Variants in GRM1 observed in about 807,000 individuals in gnomAD.
GRM1 encodes the protein metabotropic glutamate receptor 1.
In GRM1, 33 loss-of-function variants were observed where a neutral mutation model predicts 90.9. The ratio of observed to expected loss-of-function variants is 0.36; its 90% CI spans 0.28 to 0.49. The LOEUF is 0.49. Ranked by LOEUF, GRM1 falls within the 20% of genes least tolerant of loss-of-function variation. The pLI is 0.99. For synonymous variants in GRM1, 700 were observed against 613.2 expected, an observed-to-expected ratio of 1.14 and a Z score of -2.09; for missense variants, 1,190 against 1,534.3, an observed-to-expected ratio of 0.78 and a Z score of 3.75.
intron 2 of GRM1, among the ~76,000 whole-genome samples, chr6:146,294,648 G>A (rs1428267593): frequency 6.6e-6 from 1 of 152,106 alleles, no homozygotes. Context: ...ATTAATAACA[G>A]AGTAGTAAGT....
rs115477895 is a variant in GRM1 at position 146,366,605 on chromosome 6, C to T, written c.1602+8911C>T. Among the ~76,000 whole-genome samples, 533 of 152,254 alleles carry T rather than the reference C, an allele frequency of 3.5e-3. 5 individuals carry two copies. The highest frequency in any genetic ancestry group is 0.012 in the African/African-American group (508 of 41,556). The stretch of plus-strand genomic sequence containing the variant: ...GTAAGAACATGCAACATATTTCTTT[C>T]TGTGCTTTGCTTATTTAACATGATT... On this transcript the variant is annotated intron_variant, in intron 5 of 7. Transcript: ENST00000282753.
intron 1 of GRM1, among the ~76,000 whole-genome samples, chr6:146,047,460 G>A (rs985494047): frequency 1.3e-5 from 2 of 151,626 alleles, no homozygotes; most frequent in East Asian, 1.9e-4. Flanking sequence ...GCAATGTTTT[G>A]CAGCTAGAGT....
chr6:146,322,792 C>A lies in GRM1; in HGVS notation c.1186+17946C>A, dbSNP rs146908992. On this transcript the variant is annotated intron_variant, in intron 3 of 7. Coordinates refer to ENST00000282753, the MANE Select transcript of GRM1 (RefSeq NM_001278064.2). The stretch of plus-strand genomic sequence containing the variant: ...CAGCAGTCCCCAGTGTGGGATGTTC[C>A]CCTTCCTGTGTCCATGTGTTCTCAT... 4.8e-3 allele frequency among the ~76,000 whole-genome samples: 732 copies of A among 151,976 alleles called. 7 individuals are homozygous for A. Among genetic ancestry groups the A allele is most frequent in the African/African-American group, 0.017 (684 of 41,384 alleles).
intron 3 of GRM1, among the ~76,000 whole-genome samples, chr6:146,318,528 A>G (rs1451736529): frequency 1.3e-5 from 2 of 152,222 alleles, no homozygotes; most frequent in Non-Finnish European, 2.9e-5. Context: ...CAGTAATGGG[A>G]TTGCTGGGTC....
chr6:146,183,156 T>A (rs117335908), intron 2 of GRM1, among the ~76,000 whole-genome samples: 82 of 152,252 alleles, frequency 5.4e-4, no homozygotes, highest in East Asian at 5.2e-3. Context: ...ATATCATCTA[T>A]CGTCTAGTCA....
chr6:146,407,119 G>A (rs919128061), intron 7 of GRM1, among the ~76,000 whole-genome samples: 1 of 152,182 alleles, frequency 6.6e-6, no homozygotes, highest in Non-Finnish European at 1.5e-5. Flanking sequence ...TTCTTCACAT[G>A]AAGGCCCTTA....
chr6:146,338,143 T>G (rs2115009005), intron 3 of GRM1, among the ~76,000 whole-genome samples: 1 of 152,316 alleles, frequency 6.6e-6, no homozygotes, highest in South Asian at 2.1e-4. Flanking sequence ...AAATAAAAAC[T>G]TCCTATATTC....
At chr6:146,105,709 C>T (rs1281787049) in intron 1 of GRM1, among the ~76,000 whole-genome samples, 1 of 152,110 alleles carries the variant, frequency 6.6e-6, no homozygotes, top group Non-Finnish European at 1.5e-5. Flanking sequence ...ATTTTTGATA[C>T]AGCAAAATAT....
chr6:146,261,276 A>G lies in GRM1; in HGVS notation c.951-43335A>G, dbSNP rs76494152. ...GATGAGCAGAAGTGGGTGTTATGCA[A>G]TGGGGACTGAAATGAAAGACACAGT... On this transcript the variant is annotated intron_variant, in intron 2 of 7. Transcript: ENST00000282753. Among the ~76,000 whole-genome samples, 841 of 152,230 alleles carry G rather than the reference A, an allele frequency of 5.5e-3. 10 individuals are homozygous for G. Among genetic ancestry groups the G allele is most frequent in the African/African-American group, 0.019 (795 of 41,540 alleles).
chr6:146,249,644 T>A (rs1781201978), intron 2 of GRM1, among the ~76,000 whole-genome samples: 1 of 152,184 alleles, frequency 6.6e-6, no homozygotes, highest in African/African-American at 2.4e-5. Flanking sequence ...GGAGAACCTC[T>A]ACTAGGACAA....
At chr6:146,247,727 G>A (rs983552858) in intron 2 of GRM1, among the ~76,000 whole-genome samples, 1 of 147,894 alleles carries the variant, frequency 6.8e-6, no homozygotes, top group African/African-American at 2.5e-5. Flanking sequence ...CCCTAGCCTG[G>A]GTGACAAAGC....
intron 1 of GRM1, among the ~76,000 whole-genome samples, chr6:146,112,901 T>C (rs1775613373): frequency 6.6e-6 from 1 of 152,126 alleles, no homozygotes; most frequent in African/African-American, 2.4e-5. Context: ...TTTAAAAACA[T>C]TTGTTTGATT....
chr6:146,296,823 G>A (rs1226750179), intron 2 of GRM1, among the ~76,000 whole-genome samples: 3 of 152,068 alleles, frequency 2.0e-5, no homozygotes, highest in African/African-American at 4.8e-5. Context: ...GCCTCCTCAG[G>A]CAACACTTCC....
chr6:146,139,437 T>A (rs1384124001), intron 1 of GRM1, among the ~76,000 whole-genome samples: 1 of 152,198 alleles, frequency 6.6e-6, no homozygotes, highest in Non-Finnish European at 1.5e-5. Context: ...ATTATTGTAC[T>A]GGAATCAATC....
chr6:146,419,163 G>A (rs2328744), intron 7 of GRM1, among the ~76,000 whole-genome samples: 1,948 of 152,216 alleles, frequency 0.013, 43 homozygotes, highest in African/African-American at 0.045. Context: ...CGAAGGCTAA[G>A]GATCCTTTAG....
intron 7 of GRM1, among the ~76,000 whole-genome samples, chr6:146,404,003 T>A (rs529490601): frequency 9.2e-5 from 14 of 152,242 alleles, no homozygotes; most frequent in Non-Finnish European, 1.6e-4. Context: ...GAACTATTGT[T>A]AACTATAGTC....
intron 2 of GRM1, among the ~76,000 whole-genome samples, chr6:146,189,338 T>G (rs575135401): frequency 1.3e-5 from 2 of 152,310 alleles, no homozygotes; most frequent in East Asian, 3.9e-4. Context: ...CTCGCTCAAC[T>G]CTGGGTTAAG....
intron 1 of GRM1, among the ~76,000 whole-genome samples, chr6:146,051,267 C>T (rs1791512599): frequency 6.6e-6 from 1 of 151,978 alleles, no homozygotes; most frequent in African/African-American, 2.4e-5. Context: ...AATAAGAACT[C>T]AATAAAATAC....
At chr6:146,310,771 G>A (rs1184621066) in intron 3 of GRM1, among the ~76,000 whole-genome samples, 1 of 152,132 alleles carries the variant, frequency 6.6e-6, no homozygotes, top group African/African-American at 2.4e-5. Flanking sequence ...TCAGAAACAG[G>A]ATGACCTCTC....
Sources: gnomAD v4.1 joint callset for allele counts (sites outside exome capture counted in the v4.1 genomes callset) on GRCh38, gnomAD v4.1.1 for gene constraint, MANE v1.5 for transcripts, NCBI Gene and HGNC (gene_info 2026-07-23, HGNC 2026-07-21) for gene names.